Variants in SCUBE3 observed in about 807,000 individuals in gnomAD.
SCUBE3 encodes signal peptide, CUB domain and EGF like domain containing 3.
A neutral mutation model predicts 116.8 loss-of-function variants in SCUBE3; 33 were observed. The observed-to-expected ratio is 0.28, with a 90% CI of 0.21 to 0.38. The LOEUF is 0.38. Ranked by LOEUF, SCUBE3 falls within the 10% of genes least tolerant of loss-of-function variation. The pLI is 1.00. For missense variants in SCUBE3, 1,007 were observed against 1,324.8 expected (o/e 0.76, Z 3.72); for synonymous variants, 418 against 496.9 (o/e 0.84, Z 2.11).
Position 35,241,755 on chromosome 6 carries a change from C to T in SCUBE3, c.1313-51C>T, listed in dbSNP as rs367632980. On this transcript the variant is annotated intron_variant, in intron 11 of 21. Transcript: ENST00000274938. This position sits in a 1 kb window ranked among gnomAD's most constrained non-coding sequence, Gnocchi z 4.1. ...TTCATTCCCCCTGGATTCCTCCAGCCAGCGGGGGTTGGGAAGGCAGGTCAG... is the reference window on the plus strand; with the variant it reads ...TTCATTCCCCCTGGATTCCTCCAGCTAGCGGGGGTTGGGAAGGCAGGTCAG... 130 of 1,535,144 alleles carry T rather than the reference C, an allele frequency of 8.5e-5. 1 individual carries two copies. In the African/African-American group the frequency reaches 1.6e-3, roughly 19 times the overall value.
In SCUBE3 at chr6:35,233,116, C is replaced by T; in HGVS notation, c.596-69C>T. ...AGGCAACTAGGCAAGGGGGCCAGTACCCACATTGTGGAAAACTGTGGATGC... is the reference window on the plus strand; with the variant it reads ...AGGCAACTAGGCAAGGGGGCCAGTATCCACATTGTGGAAAACTGTGGATGC... On this transcript the variant is annotated intron_variant, in intron 5 of 21. Transcript: ENST00000274938. This position sits in a 1 kb window ranked among gnomAD's most constrained non-coding sequence, Gnocchi z 5.7. 2.7e-6 allele frequency: 4 copies of T among 1,472,320 alleles called. No individual in the cohort carries two copies. The highest frequency in any genetic ancestry group is 1.9e-6 in the Non-Finnish European group (2 of 1,056,748). 91.2% of individuals were successfully genotyped at this position (1,472,320 alleles called of 1,614,324 possible).
At position 35,251,043 on chromosome 6, in the gene SCUBE3, G is replaced by T. The variant is rs572242143; in HGVS notation, c.*2338G>T. On this transcript the variant is annotated 3_prime_UTR_variant, in exon 22 of 22. Transcript: ENST00000274938. ...TCCAAACAAGGGAAATGGTCATTTA[G>T]TATGAGTGTCTCTGTACTTCCCAGG... is the stretch of plus-strand genomic sequence containing the variant. 2.0e-5 allele frequency: 3 copies of T among 151,882 alleles called. No individual in the cohort carries two copies. The South Asian group carries it at 6.2e-4, about 32-fold the overall frequency. 9.4% of individuals were successfully genotyped at this position (151,882 alleles called of 1,614,324 possible). A position where few individuals can be genotyped will look rare whatever the true frequency, so the allele number is the denominator to read the frequency against.
In SCUBE3 at chr6:35,244,930, T is replaced by C. The variant is rs1784266906; in HGVS notation, c.2401+119T>C. 3 of 952,450 alleles carry C rather than the reference T, an allele frequency of 3.1e-6. No individual in the cohort carries two copies. The highest frequency in any genetic ancestry group is 4.8e-6 in the Non-Finnish European group (3 of 620,212). 59.0% of individuals were successfully genotyped at this position (952,450 alleles called of 1,614,324 possible). ...CTGGGGGGTGGAGGAGCAGGAAAAC[T>C]CCACCTTCCACCTCTCCCCAACTCA... On this transcript the variant is annotated intron_variant, in intron 18 of 21. Coordinates refer to ENST00000274938, the MANE Select transcript of SCUBE3 (RefSeq NM_152753.4). The surrounding 1 kb of genome is among the most constrained non-coding windows in gnomAD (Gnocchi z 4.3).
Position 35,249,693 on chromosome 6 carries a change from C to G in SCUBE3, c.*988C>G, listed in dbSNP as rs906998798. On this transcript the variant is annotated 3_prime_UTR_variant, in exon 22 of 22. Transcript: ENST00000274938. ...AACATGGTTATTGACCTGAAGCCAG[C>G]CTAGGCCTTGCCCTACAGTTGTTTT... The G allele has an allele frequency of 3.9e-5, 6 of 152,656 alleles. No individual in the cohort carries two copies. The highest frequency in any genetic ancestry group is 7.3e-5 in the Non-Finnish European group (5 of 68,058). 9.5% of individuals were successfully genotyped at this position (152,656 alleles called of 1,614,324 possible).
At position 35,241,526 on chromosome 6, in the gene SCUBE3, C is replaced by A; in HGVS notation, c.1196-17C>A. 6.4e-7 allele frequency: 1 copy of A among 1,570,008 alleles called. No individual in the cohort carries two copies. The highest frequency in any genetic ancestry group is 8.8e-7 in the Non-Finnish European group (1 of 1,139,864). Reference sequence around the variant, plus strand: ...AAGGAATGCATTCATTTGCTCAGGCCTCTCTCCCCTTCCTAGAGCCACTGA... The same window carrying A: ...AAGGAATGCATTCATTTGCTCAGGCATCTCTCCCCTTCCTAGAGCCACTGA... On this transcript the variant is annotated splice_polypyrimidine_tract_variant and intron_variant, in intron 10 of 21. Coordinates refer to ENST00000274938, the MANE Select transcript of SCUBE3 (RefSeq NM_152753.4). This position sits in a 1 kb window ranked among gnomAD's most constrained non-coding sequence, Gnocchi z 4.1.
Position 35,249,200 on chromosome 6 carries a change from A to C in SCUBE3, c.*495A>C, listed in dbSNP as rs896638477. 1 of 154,698 alleles carries C rather than the reference A, an allele frequency of 6.5e-6. No homozygotes were observed. The highest frequency in any genetic ancestry group is 1.4e-5 in the Non-Finnish European group (1 of 69,462). 9.6% of individuals were successfully genotyped at this position (154,698 alleles called of 1,614,324 possible). A position where few individuals can be genotyped will look rare whatever the true frequency, so the allele number is the denominator to read the frequency against. On this transcript the variant is annotated 3_prime_UTR_variant, in exon 22 of 22. Coordinates refer to ENST00000274938, the MANE Select transcript of SCUBE3 (RefSeq NM_152753.4). ...CTAACAGCCCAGGGTCCTGCCAAAG[A>C]AGCCTTTGATTTACAGGCTTAATGC...
Position 35,235,640 on chromosome 6 carries a change from C to A in SCUBE3, c.713-2262C>A. ...CAGGGCTATCCTGGCAGCCAGGGCA[C>A]TGGGCCCATTGGGTGACAAGAAACC... On this transcript the variant is annotated intron_variant, in intron 6 of 21. Transcript: ENST00000274938. The surrounding 1 kb of genome is among the most constrained non-coding windows in gnomAD (Gnocchi z 4.5). The A allele has an allele frequency of 1.3e-5, 5 of 392,520 alleles. No individual in the cohort carries two copies. Among genetic ancestry groups the A allele is most frequent in the South Asian group, 7.8e-5 (4 of 51,306 alleles). 24.3% of individuals were successfully genotyped at this position (392,520 alleles called of 1,614,324 possible). A position where few individuals can be genotyped will look rare whatever the true frequency, so the allele number is the denominator to read the frequency against.
chr6:35,225,219 G>A (rs186241643), intron 1 of SCUBE3, among the ~76,000 whole-genome samples: 24 of 152,290 alleles, frequency 1.6e-4, no homozygotes, highest in Admixed American at 7.8e-4. Flanking sequence ...CTCTCATGAG[G>A]AGGTATTATC....
Position 35,245,857 on chromosome 6 carries a change from C to T in SCUBE3, c.2600-87C>T. On this transcript the variant is annotated intron_variant, in intron 19 of 21. Transcript: ENST00000274938. The surrounding 1 kb of genome is among the most constrained non-coding windows in gnomAD (Gnocchi z 4.2). ...TCAGAATGATTCTCTTGCCCTATAC[C>T]CCCACCACCAGCTGTACAGCCCACG... 7.2e-7 allele frequency: 1 copy of T among 1,387,248 alleles called. No individual in the cohort carries two copies. Among genetic ancestry groups the T allele is most frequent in the Non-Finnish European group, 1.0e-6 (1 of 997,426 alleles). 85.9% of individuals were successfully genotyped at this position (1,387,248 alleles called of 1,614,324 possible).
At chr6:35,226,884 G>A (rs1430668863) in intron 1 of SCUBE3, among the ~76,000 whole-genome samples, 1 of 152,192 alleles carries the variant, frequency 6.6e-6, no homozygotes, top group Non-Finnish European at 1.5e-5. Context: ...CTAGGGCCAG[G>A]AGACAGAGGG....
In SCUBE3 at chr6:35,241,069, A is replaced by C. The variant is rs557398973; in HGVS notation, c.1070-72A>C. 3.4e-6 allele frequency: 5 copies of C among 1,470,710 alleles called. No individual in the cohort carries two copies. The highest frequency in any genetic ancestry group is 4.6e-5 in the East Asian group (2 of 43,450). The allele number at this position is 1,470,710 out of a possible 1,614,324, so 91.1% of individuals were successfully genotyped here. ...CCTGAAACTCTAACCAAAGGCCCTC[A>C]CTCACTGCCTACTCTCCGGCTCCTC... On this transcript the variant is annotated intron_variant, in intron 9 of 21. Coordinates refer to ENST00000274938, the MANE Select transcript of SCUBE3 (RefSeq NM_152753.4). This position sits in a 1 kb window ranked among gnomAD's most constrained non-coding sequence, Gnocchi z 4.1.
Position 35,217,746 on chromosome 6 carries a change from G to C in SCUBE3, c.85+3243G>C, listed in dbSNP as rs907526126. Among the ~76,000 whole-genome samples, 9 of 152,232 alleles carry C rather than the reference G, an allele frequency of 5.9e-5. No individual in the cohort carries two copies. In the East Asian group the frequency reaches 1.7e-3, roughly 29 times the overall value. ...GTAAGGGTGGCCCCGTGGGCAGCCG[G>C]CTATTGCCTGTGCCCTGTCCAGGCC... On this transcript the variant is annotated intron_variant, in intron 1 of 21. Transcript: ENST00000274938.
At position 35,232,764 on chromosome 6, in the gene SCUBE3, C is replaced by T. The variant is rs1783604057; in HGVS notation, c.470-86C>T. On this transcript the variant is annotated intron_variant, in intron 4 of 21. Coordinates refer to ENST00000274938, the MANE Select transcript of SCUBE3 (RefSeq NM_152753.4). This position sits in a 1 kb window ranked among gnomAD's most constrained non-coding sequence, Gnocchi z 4.2. ...CAACCTCAGTAGAATTCTCCCAGTTCCCTAGGTCCCCAGTTGCCCCCTGTA... is the reference window on the plus strand; with the variant it reads ...CAACCTCAGTAGAATTCTCCCAGTTTCCTAGGTCCCCAGTTGCCCCCTGTA... 1.5e-6 allele frequency: 2 copies of T among 1,358,972 alleles called. No homozygotes were observed. The highest frequency in any genetic ancestry group is 1.2e-5 in the South Asian group (1 of 80,250). The allele number at this position is 1,358,972 out of a possible 1,614,324, so 84.2% of individuals were successfully genotyped here.
In SCUBE3 at chr6:35,253,053, T is replaced by C. The variant is rs1175337045; in HGVS notation, c.*4348T>C. On this transcript the variant is annotated 3_prime_UTR_variant, in exon 22 of 22. Coordinates refer to ENST00000274938, the MANE Select transcript of SCUBE3 (RefSeq NM_152753.4). The stretch of plus-strand genomic sequence containing the variant: ...GGATTTTGTATGTCTTTTTTATTAT[T>C]ATTAAAATACTAAATGAAACTCCTC... The C allele has an allele frequency of 2.6e-5, 4 of 152,192 alleles. No homozygotes were observed. Among genetic ancestry groups the C allele is most frequent in the African/African-American group, 7.2e-5 (3 of 41,456 alleles). 9.4% of individuals were successfully genotyped at this position (152,192 alleles called of 1,614,324 possible). A position where few individuals can be genotyped will look rare whatever the true frequency, so the allele number is the denominator to read the frequency against.
Position 35,235,866 on chromosome 6 carries a change from T to C in SCUBE3, c.713-2036T>C, listed in dbSNP as rs1485608123. Reference sequence around the variant, plus strand: ...GTCATGCCCACTGTGCCACCTGAGATAGGGGTGCGATAGGATTAGATGCCA... The same window carrying C: ...GTCATGCCCACTGTGCCACCTGAGACAGGGGTGCGATAGGATTAGATGCCA... On this transcript the variant is annotated intron_variant, in intron 6 of 21. Coordinates refer to ENST00000274938, the MANE Select transcript of SCUBE3 (RefSeq NM_152753.4). This position sits in a 1 kb window ranked among gnomAD's most constrained non-coding sequence, Gnocchi z 4.5. 6.6e-6 allele frequency among the ~76,000 whole-genome samples: 1 copy of C among 151,606 alleles called. No individual in the cohort carries two copies. Among genetic ancestry groups the C allele is most frequent in the Non-Finnish European group, 1.5e-5 (1 of 67,952 alleles).
rs1457716124 is a variant in SCUBE3 at position 35,219,421 on chromosome 6, T to C, written c.85+4918T>C. 6.6e-6 allele frequency among the ~76,000 whole-genome samples: 1 copy of C among 152,168 alleles called. No individual in the cohort carries two copies. The highest frequency in any genetic ancestry group is 1.5e-5 in the Non-Finnish European group (1 of 68,024). ...GCTTTGTAGTTGCTGTTAGATGCTG[T>C]GCTTTGGCTGAACAAATGGGATGAT... On this transcript the variant is annotated intron_variant, in intron 1 of 21. Transcript: ENST00000274938. The surrounding 1 kb of genome is among the most constrained non-coding windows in gnomAD (Gnocchi z 4.7).
chr6:35,242,912 A>C (rs1784137163), intron 14 of SCUBE3, 109 bp from the exon 15 acceptor site: 1 of 1,494,934 alleles, frequency 6.7e-7, no homozygotes, highest in Non-Finnish European at 9.3e-7. Flanking sequence ...CCAAGCCTAA[A>C]AGCTAGTCCC....
chr6:35,231,711 C>T lies in SCUBE3; in HGVS notation c.335-14C>T. 2 of 1,596,612 alleles carry T rather than the reference C, an allele frequency of 1.3e-6. No homozygotes were observed. Among genetic ancestry groups the T allele is most frequent in the Non-Finnish European group, 1.7e-6 (2 of 1,166,264 alleles). ...CTGTACCCCATGACCCCACTGACTA[C>T]CTATCCTGCACAGATGTGGACGAGT... On this transcript the variant is annotated splice_polypyrimidine_tract_variant and intron_variant, in intron 3 of 21. Transcript: ENST00000274938. The surrounding 1 kb of genome is among the most constrained non-coding windows in gnomAD (Gnocchi z 4.2).
chr6:35,241,890 C>G lies in SCUBE3; in HGVS notation c.1397C>G (p.Thr466Ser), dbSNP rs1784076939. 6.2e-7 allele frequency: 1 copy of G among 1,609,112 alleles called. No homozygotes were observed. The highest frequency in any genetic ancestry group is 8.5e-7 in the Non-Finnish European group (1 of 1,178,866). Reference protein sequence around the residue: ...PARAGHNGNSTNSNHCHEAAV... With the variant: ...PARAGHNGNSSNSNHCHEAAV... ...CGAGCTGGCCACAATGGGAACAGCACCAACTCCAACCACTGCCATGGTAAG... is the reference window on the plus strand; with the variant it reads ...CGAGCTGGCCACAATGGGAACAGCAGCAACTCCAACCACTGCCATGGTAAG... The change falls in exon 12 of 22, where the codon ACC (threonine) becomes AGC (serine). Residue 466 changes from threonine to serine, a missense_variant. Physicochemically the swap from Thr to Ser is moderately conservative, Grantham distance 58 (BLOSUM62 1). This residue lies in a region of SCUBE3 where 544 missense variants were observed against 638.9 expected (regional missense o/e 0.85). Coordinates refer to ENST00000274938, the MANE Select transcript of SCUBE3 (RefSeq NM_152753.4). The surrounding 1 kb of genome is among the most constrained non-coding windows in gnomAD (Gnocchi z 4.1).
Sources: allele counts gnomAD v4.1 joint callset (sites outside exome capture counted in the v4.1 genomes callset), GRCh38; gene constraint gnomAD v4.1.1; regional missense constraint gnomAD v4.1.1; non-coding constraint Gnocchi (gnomAD v3.1); transcripts MANE v1.5; gene names NCBI Gene and HGNC (gene_info 2026-07-23, HGNC 2026-07-21).